Variants in SMG6 observed in about 807,000 individuals in gnomAD.
SMG6 encodes telomerase-binding protein EST1A.
SMG6 carries 66 observed loss-of-function variants against 142.2 expected under a neutral mutation model. The observed-to-expected ratio is 0.46, with a 90% CI of 0.38 to 0.57. The LOEUF is 0.57. Among genes scored for constraint, SMG6 ranks in the 20% least tolerant of loss-of-function variants. The pLI is 0.00. For synonymous variants in SMG6, 779 were observed against 702.4 expected, an observed-to-expected ratio of 1.11 and a Z score of -1.72; for missense variants, 1,793 against 1,832.0, an observed-to-expected ratio of 0.98 and a Z score of 0.39.
intron 13 of SMG6, among the ~76,000 whole-genome samples, chr17:2,133,374 G>GA (rs1404280330): frequency 6.6e-6 from 1 of 152,078 alleles, no homozygotes; most frequent in Non-Finnish European, 1.5e-5. Context: ...TAATTCTTTG[G>GA]AAAAAATGGC....
At chr17:2,105,162 A>C (rs2069121600) in intron 13 of SMG6, among the ~76,000 whole-genome samples, 1 of 145,614 alleles carries the variant, frequency 6.9e-6, no homozygotes, top group Non-Finnish European at 1.5e-5. Context: ...CCTGGACTCA[A>C]GCAATCCTCC....
intron 12 of SMG6, among the ~76,000 whole-genome samples, chr17:2,184,960 CAAAAAAAAAAAA>C (rs58230459): frequency 2.2e-4 from 5 of 22,474 alleles, no homozygotes; most frequent in Admixed American, 7.8e-4. Context: ...GACTCCATCT[CAAAAAAAAAAAA>C]AAAAAAAAAA....
chr17:2,064,331 C>G (rs2067874425), intron 18 of SMG6, among the ~76,000 whole-genome samples: 1 of 152,042 alleles, frequency 6.6e-6, no homozygotes, highest in Non-Finnish European at 1.5e-5. Flanking sequence ...TGTCATTGAC[C>G]TGTGGGGTGA....
chr17:2,164,417 T>A (rs906905479), intron 13 of SMG6, among the ~76,000 whole-genome samples: 4 of 151,870 alleles, frequency 2.6e-5, no homozygotes, highest in Non-Finnish European at 4.4e-5. Context: ...AGCAAAACGC[T>A]GTCTCAGAAA....
At chr17:2,277,073 G>A (rs1043986652) in intron 8 of SMG6, among the ~76,000 whole-genome samples, 7 of 151,922 alleles carry the variant, frequency 4.6e-5, no homozygotes, top group Admixed American at 2.6e-4. Context: ...GAGCCACTGC[G>A]CCCGGCCTAC....
chr17:2,112,176 C>T (rs934418548), intron 13 of SMG6, among the ~76,000 whole-genome samples: 2 of 151,782 alleles, frequency 1.3e-5, no homozygotes, highest in African/African-American at 4.8e-5. Context: ...AGAAATCTTC[C>T]TGATTAAATT....
chr17:2,295,988 CTCTA>C (rs770678250), intron 4 of SMG6, among the ~76,000 whole-genome samples: 2 of 152,220 alleles, frequency 1.3e-5, no homozygotes, highest in African/African-American at 4.8e-5. Flanking sequence ...TCTCCACGAC[CTCTA>C]TCTTAGTTCA....
In SMG6 at chr17:2,197,169, A is replaced by G. The variant is rs1226124480; in HGVS notation, c.2870-8654T>C. On this transcript the variant is annotated intron_variant, in intron 10 of 18. Coordinates refer to ENST00000263073, the MANE Select transcript of SMG6 (RefSeq NM_017575.5). ...AAAAATTAAAAACTTTTGCACTGCA[A>G]AAGACCCTGTAAAAAGATGAAAAGG... 2.6e-5 allele frequency among the ~76,000 whole-genome samples: 4 copies of G among 152,324 alleles called. No homozygotes were observed. In the South Asian group the frequency reaches 8.3e-4, roughly 32 times the overall value.
rs181186463 is a variant in SMG6, at chr17:2,295,192, T to A, written c.2151+2051A>T. 2.8e-3 allele frequency among the ~76,000 whole-genome samples: 425 copies of A among 152,160 alleles called. 1 individual carries two copies. Among genetic ancestry groups the A allele is most frequent in the Non-Finnish European group, 3.2e-3 (217 of 68,004 alleles). ...GCGCCCAGCCAAAAACATCTGTCCA[T>A]CAGTAAGAAAGTGTGTATGTAGTAG... On this transcript the variant is annotated intron_variant, in intron 4 of 18. Coordinates refer to ENST00000263073, the MANE Select transcript of SMG6 (RefSeq NM_017575.5).
intron 10 of SMG6, among the ~76,000 whole-genome samples, chr17:2,191,167 G>A (rs746680430): frequency 3.1e-4 from 47 of 152,318 alleles, no homozygotes; most frequent in African/African-American, 9.9e-4. Flanking sequence ...AAGTATCCAC[G>A]GCAACTTGGA....
At chr17:2,074,568 G>A (rs6503222) in intron 15 of SMG6, among the ~76,000 whole-genome samples, 99,961 of 152,124 alleles carry the variant, frequency 0.66, 33,649 homozygotes, top group African/African-American at 0.79. Context: ...CTTTTTAAAA[G>A]TGATAACTAT....
intron 10 of SMG6, among the ~76,000 whole-genome samples, chr17:2,208,003 C>G (rs1008025763): frequency 1.3e-5 from 2 of 152,132 alleles, no homozygotes; most frequent in Non-Finnish European, 2.9e-5. Context: ...GTGGCTCATG[C>G]CTGTAATCCA....
chr17:2,301,440 A>G (rs760070208), intron 1 of SMG6, among the ~76,000 whole-genome samples: 1 of 152,214 alleles, frequency 6.6e-6, no homozygotes, highest in Non-Finnish European at 1.5e-5. Context: ...AATTATTAGA[A>G]AAAAGTTCCA....
chr17:2,239,567 A>C (rs1390406352), intron 9 of SMG6, among the ~76,000 whole-genome samples: 3 of 152,162 alleles, frequency 2.0e-5, no homozygotes, highest in Non-Finnish European at 4.4e-5. Flanking sequence ...AAGCAATAGA[A>C]AAAAAGTGTG....
At chr17:2,093,280 C>T (rs554757693) in intron 13 of SMG6, among the ~76,000 whole-genome samples, 34 of 151,718 alleles carry the variant, frequency 2.2e-4, no homozygotes, top group African/African-American at 8.2e-4. Context: ...AAAAGCTGGG[C>T]ATGGTGGTGC....
At chr17:2,148,760 G>A (rs1432955553) in intron 13 of SMG6, among the ~76,000 whole-genome samples, 1 of 151,950 alleles carries the variant, frequency 6.6e-6, no homozygotes, top group Non-Finnish European at 1.5e-5. Context: ...TTAGAAGGCT[G>A]AGGCAGGAGA....
At chr17:2,080,149 C>T (rs538770098) in intron 15 of SMG6, among the ~76,000 whole-genome samples, 40 of 143,400 alleles carry the variant, frequency 2.8e-4, no homozygotes, top group African/African-American at 8.3e-4. Flanking sequence ...GCCAGTGTGA[C>T]GGCTCATGCC....
chr17:2,293,012 A>C (rs748426889), intron 4 of SMG6, 35 bp from the exon 5 acceptor site: 2 of 1,457,892 alleles, frequency 1.4e-6, no homozygotes, highest in Admixed American at 3.3e-5. Flanking sequence ...AGAAAAGCCA[A>C]GAAACACTAA....
At chr17:2,073,708 CA>C (rs1309950009) in intron 15 of SMG6, among the ~76,000 whole-genome samples, 1,861 of 70,244 alleles carry the variant, frequency 0.026, 21 homozygotes, top group African/African-American at 0.1. Context: ...GACTCCGTCT[CA>C]AAAAAAAAAA....
Sources: gnomAD v4.1 joint callset for allele counts (sites outside exome capture counted in the v4.1 genomes callset) on GRCh38, gnomAD v4.1.1 for gene constraint, MANE v1.5 for transcripts, NCBI Gene and HGNC (gene_info 2026-07-23, HGNC 2026-07-21) for gene names.